NPC2: variants seen among roughly 807,000 people sequenced by gnomAD.
NPC2 encodes the protein NPC intracellular cholesterol transporter 2.
A neutral mutation model predicts 17.0 loss-of-function variants in NPC2; 14 were observed. That is an observed-to-expected ratio of 0.82 (90% CI 0.54 to 1.29). The LOEUF (loss-of-function observed/expected upper bound fraction) is 1.29, where lower values mean the gene tolerates loss of function less well. Ranked by LOEUF, NPC2 falls within the 50% of genes most tolerant of loss-of-function variation. The pLI is 0.00. For synonymous variants in NPC2, 75 were observed against 69.3 expected, an observed-to-expected ratio of 1.08 and a Z score of -0.41; for missense variants, 167 against 183.4, an observed-to-expected ratio of 0.91 and a Z score of 0.52.
intron 3 of NPC2, 34 bp downstream of exon 3, chr14:74,484,381 G>A: frequency 6.2e-7 from 1 of 1,611,874 alleles, no homozygotes; most frequent in African/African-American, 1.3e-5. Context: ...CCAGTCCCAA[G>A]GCCTCCCGTG....
rs547439983 is a variant in NPC2 at position 74,484,222 on chromosome 14, T to C, written c.363+193A>G. Among the ~76,000 whole-genome samples the C allele has an allele frequency of 8.5e-5, 13 of 152,292 alleles. No individual in the cohort carries two copies. In the South Asian group the frequency reaches 1.7e-3, roughly 19 times the overall value. On this transcript the variant is annotated intron_variant, in intron 3 of 4. Transcript: ENST00000555619. ...TAACCATCAGGTCATAGTGAAAGAATGAAGAGACACAGAGAAAAAGACCTG... is the reference window on the plus strand; with the variant it reads ...TAACCATCAGGTCATAGTGAAAGAACGAAGAGACACAGAGAAAAAGACCTG...
intron 1 of NPC2, among the ~76,000 whole-genome samples, chr14:74,489,264 A>G (rs1434790534): frequency 6.6e-6 from 1 of 152,220 alleles, no homozygotes; most frequent in Non-Finnish European, 1.5e-5. Flanking sequence ...AGGTCTATAT[A>G]GCTGCTGGGA....
At chr14:74,487,277 T>G (rs1448535822) in intron 1 of NPC2, among the ~76,000 whole-genome samples, 7 of 148,682 alleles carry the variant, frequency 4.7e-5, no homozygotes, top group Non-Finnish European at 7.4e-5. Context: ...TTTTTTTGTT[T>G]TTTTTTTTTG....
intron 2 of NPC2, 127 bp from the exon 3 acceptor site, chr14:74,484,714 G>C (rs1261930921): frequency 3.8e-6 from 2 of 525,752 alleles, no homozygotes; most frequent in East Asian, 1.3e-4. Context: ...GTGGTGCTTG[G>C]TACTAGCACA....
chr14:74,480,051 G>T lies in NPC2; in HGVS notation c.*223C>A. 4 of 1,509,830 alleles carry T rather than the reference G, an allele frequency of 2.6e-6. No homozygotes were observed. Among genetic ancestry groups the T allele is most frequent in the Non-Finnish European group, 3.5e-6 (4 of 1,133,320 alleles). 93.5% of individuals were successfully genotyped at this position (1,509,830 alleles called of 1,614,324 possible). A position where few individuals can be genotyped will look rare whatever the true frequency, so the allele number is the denominator to read the frequency against. On this transcript the variant is annotated 3_prime_UTR_variant, in exon 5 of 5. Coordinates refer to ENST00000555619, the MANE Select transcript of NPC2 (RefSeq NM_006432.5). ...AAAAAATTAAACATCTGCTAACCAAGTGCTGCATTTAATGAAACCACCTAA... is the reference window on the plus strand; with the variant it reads ...AAAAAATTAAACATCTGCTAACCAATTGCTGCATTTAATGAAACCACCTAA...
At chr14:74,492,538 G>T (rs2139675860) in intron 1 of NPC2, among the ~76,000 whole-genome samples, 1 of 152,130 alleles carries the variant, frequency 6.6e-6, no homozygotes, top group African/African-American at 2.4e-5. Flanking sequence ...TTTCTGTTCC[G>T]ACAATTCTAT....
Position 74,480,171 on chromosome 14 carries a change from A to G in NPC2, c.*103T>C, listed in dbSNP as rs2086640271. 1 of 1,611,932 alleles carries G rather than the reference A, an allele frequency of 6.2e-7. No individual in the cohort carries two copies. ...CCTCCTCTTCAACGAATCACTGGATACCATTGGAGAGCAAGTCACTGTTGT... is the reference window on the plus strand; with the variant it reads ...CCTCCTCTTCAACGAATCACTGGATGCCATTGGAGAGCAAGTCACTGTTGT... On this transcript the variant is annotated 3_prime_UTR_variant, in exon 5 of 5. Transcript: ENST00000555619.
At chr14:74,482,358 T>A (rs1386280229) in intron 3 of NPC2, among the ~76,000 whole-genome samples, 3 of 152,244 alleles carry the variant, frequency 2.0e-5, no homozygotes, top group African/African-American at 7.2e-5. Flanking sequence ...GCCATCCCTC[T>A]ATTTCCTCCA....
chr14:74,480,568 CT>C (rs2086645411), intron 4 of NPC2, 133 bp downstream of exon 4: 3 of 839,148 alleles, frequency 3.6e-6, no homozygotes, highest in African/African-American at 3.3e-5. Flanking sequence ...GTCTCAGATG[CT>C]TTTAGAGGTT....
At chr14:74,487,400 C>T (rs112461421) in intron 1 of NPC2, among the ~76,000 whole-genome samples, 2 of 151,784 alleles carry the variant, frequency 1.3e-5, no homozygotes, top group African/African-American at 4.8e-5. Flanking sequence ...TCCTGAGTAG[C>T]TAGAACAATA....
chr14:74,489,851 C>A (rs1025603361), intron 1 of NPC2, among the ~76,000 whole-genome samples: 1 of 152,210 alleles, frequency 6.6e-6, no homozygotes, highest in African/African-American at 2.4e-5. Context: ...AGCCTCAAGG[C>A]AAGATACTTT....
In NPC2 at chr14:74,482,095, C is replaced by T. The variant is rs117284845; in HGVS notation, c.364-1316G>A. Among the ~76,000 whole-genome samples, 147 of 152,294 alleles carry T rather than the reference C, an allele frequency of 9.7e-4. 3 individuals are homozygous for T. The East Asian group carries it at 0.024, about 25-fold the overall frequency. On this transcript the variant is annotated intron_variant, in intron 3 of 4. Coordinates refer to ENST00000555619, the MANE Select transcript of NPC2 (RefSeq NM_006432.5). ...ACTACCATACATTAAGTACCTACTA[C>T]GTATCAGGCTCTGACTAGTCACTGC...
chr14:74,486,516 G>A, intron 1 of NPC2, 80 bp from the exon 2 acceptor site: 2 of 1,130,528 alleles, frequency 1.8e-6, no homozygotes, highest in Non-Finnish European at 2.6e-6. Context: ...TAATGGGAAG[G>A]TGCTCTGCTC....
chr14:74,493,488 C>G, upstream of NPC2: 3 of 1,139,990 alleles, frequency 2.6e-6, no homozygotes, highest in South Asian at 4.5e-5. The surrounding 1 kb of genome is among the most constrained non-coding windows in gnomAD (Gnocchi z 4.1). Flanking sequence ...ATGCCATCCC[C>G]TCAGAGGCCT....
chr14:74,481,187 G>A (rs969492715), intron 3 of NPC2, among the ~76,000 whole-genome samples: 2 of 152,166 alleles, frequency 1.3e-5, no homozygotes, highest in African/African-American at 2.4e-5. Flanking sequence ...CCTCATGAAC[G>A]GCTTAGCACC....
intron 3 of NPC2, among the ~76,000 whole-genome samples, chr14:74,483,878 CTTTAT>C (rs1446173051): frequency 1.3e-5 from 2 of 152,124 alleles, no homozygotes; most frequent in Non-Finnish European, 2.9e-5. Flanking sequence ...AACCATCATA[CTTTAT>C]ATCTGTAATG....
chr14:74,486,394 C>T lies in NPC2; in HGVS notation c.125G>A (p.Cys42Tyr). 1 of 1,604,290 alleles carries T rather than the reference C, an allele frequency of 6.2e-7. No homozygotes were observed. The highest frequency in any genetic ancestry group is 8.5e-7 in the Non-Finnish European group (1 of 1,175,272). ...GCTCAGCTGGCAGGGTTGGGTGGGG[C>T]ATGGGCTCACATTCACTTCCTTTAT... is the stretch of plus-strand genomic sequence containing the variant. ...GVIKEVNVSPCPTQPCQLSKG... is the reference protein window; with the variant it reads ...GVIKEVNVSPYPTQPCQLSKG... Residue 42 changes from cysteine to tyrosine, a missense_variant, in exon 2 of 5, where the codon TGC becomes TAC. Coordinates refer to ENST00000555619, the MANE Select transcript of NPC2 (RefSeq NM_006432.5).
intron 1 of NPC2, 119 bp from the exon 2 acceptor site, chr14:74,486,555 G>A (rs1388018224): frequency 1.3e-5 from 10 of 768,734 alleles, no homozygotes; most frequent in African/African-American, 3.4e-5. Flanking sequence ...CATTCTCCTC[G>A]GACTGTTTCC....
chr14:74,485,133 A>C (rs770503631), intron 2 of NPC2, among the ~76,000 whole-genome samples: 1 of 151,824 alleles, frequency 6.6e-6, no homozygotes, highest in Non-Finnish European at 1.5e-5. Context: ...TGTCTCTACT[A>C]AAACTACAAA....
Sources: gnomAD v4.1 joint callset for allele counts (sites outside exome capture counted in the v4.1 genomes callset) on GRCh38, gnomAD v4.1.1 for gene constraint, Gnocchi (gnomAD v3.1) non-coding constraint, MANE v1.5 for transcripts, NCBI Gene and HGNC (gene_info 2026-07-23, HGNC 2026-07-21) for gene names.